NRXN3: variants seen among roughly 807,000 people sequenced by gnomAD.
NRXN3 encodes the protein neurexin 3, also known as neurexin III.
NRXN3 carries 32 observed loss-of-function variants against 137.6 expected under a neutral mutation model. That is an observed-to-expected ratio of 0.23 (90% CI 0.18 to 0.31). The LOEUF (loss-of-function observed/expected upper bound fraction) is 0.31. NRXN3 is among the 10% of genes least tolerant of loss of function. The pLI is 1.00. For synonymous variants in NRXN3, 798 were observed against 784.5 expected, an observed-to-expected ratio of 1.02 and a Z score of -0.29; for missense variants, 1,574 against 2,062.5, an observed-to-expected ratio of 0.76 and a Z score of 4.59.
intron 4 of NRXN3, among the ~76,000 whole-genome samples, chr14:78,559,027 C>A (rs1422890080): frequency 6.6e-6 from 1 of 152,170 alleles, no homozygotes; most frequent in Admixed American, 6.5e-5. Context: ...TGTATTTTCT[C>A]CTTTTGACCT....
chr14:78,656,833 G>A (rs1312117222), intron 6 of NRXN3, among the ~76,000 whole-genome samples: 6 of 151,964 alleles, frequency 3.9e-5, no homozygotes, highest in Non-Finnish European at 5.9e-5. Flanking sequence ...CACGAGGTCG[G>A]GAGATTGATA....
intron 15 of NRXN3, among the ~76,000 whole-genome samples, chr14:79,154,530 T>A (rs937823654): frequency 2.6e-5 from 4 of 151,912 alleles, no homozygotes; most frequent in Non-Finnish European, 5.9e-5. Context: ...AGCCCCATCA[T>A]TCCCTGTTTT....
intron 16 of NRXN3, among the ~76,000 whole-genome samples, chr14:79,537,422 C>T (rs1049156223): frequency 4.6e-5 from 7 of 152,048 alleles, no homozygotes; most frequent in Non-Finnish European, 5.9e-5. Context: ...GGTATATCTC[C>T]TAATGCTATC....
rs551318674 is a variant in NRXN3, at chr14:78,524,194, G to T, written c.758-120926G>T. 2.9e-3 allele frequency among the ~76,000 whole-genome samples: 445 copies of T among 151,472 alleles called. 2 individuals are homozygous for T. Among genetic ancestry groups the T allele is most frequent in the African/African-American group, 0.01 (422 of 41,306 alleles). ...ACTAATCTCAGAAATCTTAGTGTAT[G>T]TTTTTTTTTGTCTTTACTGGATAGT... On this transcript the variant is annotated intron_variant, in intron 4 of 20. Coordinates refer to ENST00000335750, the MANE Select transcript of NRXN3 (RefSeq NM_001330195.2).
intron 8 of NRXN3, among the ~76,000 whole-genome samples, chr14:78,722,937 G>A (rs1265884631): frequency 1.3e-5 from 2 of 151,994 alleles, no homozygotes; most frequent in Non-Finnish European, 2.9e-5. Flanking sequence ...ACCAGGCAGG[G>A]GAAAAAAAAT....
rs533306803 is a variant in NRXN3 at position 78,713,608 on chromosome 14, C to A, written c.1661-1148C>A. Among the ~76,000 whole-genome samples the A allele has an allele frequency of 2.0e-5, 3 of 152,116 alleles. No homozygotes were observed. In the East Asian group the frequency reaches 5.8e-4, roughly 29 times the overall value. Reference sequence around the variant, plus strand: ...CTCATGCTGCTAATAAAGACAAACCCAAGACTGGATAATTTATAAAGGAAA... The same window carrying A: ...CTCATGCTGCTAATAAAGACAAACCAAAGACTGGATAATTTATAAAGGAAA... On this transcript the variant is annotated intron_variant, in intron 7 of 20. Transcript: ENST00000335750.
chr14:79,469,101 C>A (rs2096466331), intron 16 of NRXN3, among the ~76,000 whole-genome samples: 1 of 152,144 alleles, frequency 6.6e-6, no homozygotes, highest in South Asian at 2.1e-4. Flanking sequence ...CTGTTATTAC[C>A]AGCTCACTTG....
At position 79,486,960 on chromosome 14, in the gene NRXN3, T is replaced by TCTCTCTCTCC. The variant is rs1365006345; in HGVS notation, c.3444+19559_3444+19560insTCTCTCTCCC. On this transcript the variant is annotated intron_variant, in intron 16 of 20. Transcript: ENST00000335750. The stretch of plus-strand genomic sequence containing the variant: ...CTCTCTCTCTCTCTCTCTCTCTCTC[T>TCTCTCTCTCC]CCCACACACACACACCCCAAGATAA... Among the ~76,000 whole-genome samples the TCTCTCTCTCC allele has an allele frequency of 4.6e-3, 511 of 112,046 alleles. 17 individuals carry two copies. Among genetic ancestry groups the TCTCTCTCTCC allele is most frequent in the African/African-American group, 0.017 (488 of 28,512 alleles). 73.5% of individuals were successfully genotyped at this position (112,046 alleles called of 152,430 possible). A position where few individuals can be genotyped will look rare whatever the true frequency, so the allele number is the denominator to read the frequency against.
intron 4 of NRXN3, among the ~76,000 whole-genome samples, chr14:78,571,130 A>G (rs2096885650): frequency 1.3e-5 from 2 of 152,202 alleles, no homozygotes; most frequent in Admixed American, 1.3e-4. Flanking sequence ...AGGTTCACTC[A>G]TCAAATCCCT....
At chr14:79,719,669 C>T (rs1333806885) in intron 19 of NRXN3, among the ~76,000 whole-genome samples, 2 of 152,022 alleles carry the variant, frequency 1.3e-5, no homozygotes, top group African/African-American at 4.8e-5. Flanking sequence ...GAAAATCGTG[C>T]ATAAAAGGTC....
At chr14:78,414,424 G>A (rs1424149677) in intron 4 of NRXN3, among the ~76,000 whole-genome samples, 3 of 152,138 alleles carry the variant, frequency 2.0e-5, no homozygotes, top group Non-Finnish European at 2.9e-5. Context: ...AGTCACCAGG[G>A]GAGTTGTCCC....
At chr14:78,537,425 G>T (rs978132296) in intron 4 of NRXN3, among the ~76,000 whole-genome samples, 4 of 152,170 alleles carry the variant, frequency 2.6e-5, no homozygotes, top group African/African-American at 7.2e-5. Flanking sequence ...AGAAGTGTCT[G>T]TTCATATCTT....
At chr14:79,145,527 T>C (rs1483345169) in intron 15 of NRXN3, among the ~76,000 whole-genome samples, 1 of 152,134 alleles carries the variant, frequency 6.6e-6, no homozygotes, top group Admixed American at 6.5e-5. Flanking sequence ...TGAGCCGTTG[T>C]AGAGCCTACA....
intron 15 of NRXN3, 23 bp downstream of exon 15, chr14:78,988,164 C>A (rs764354402): frequency 4.3e-6 from 7 of 1,613,214 alleles, no homozygotes; most frequent in Non-Finnish European, 5.9e-6. Flanking sequence ...ACCTTTCATA[C>A]TGGAACTTTG....
chr14:79,091,326 C>G (rs2049140463), intron 15 of NRXN3, among the ~76,000 whole-genome samples: 1 of 152,122 alleles, frequency 6.6e-6, no homozygotes, highest in Non-Finnish European at 1.5e-5. Context: ...ATTGATCTAA[C>G]AGGTAATAAG....
intron 15 of NRXN3, among the ~76,000 whole-genome samples, chr14:79,159,726 C>G (rs896690023): frequency 6.6e-6 from 1 of 151,732 alleles, no homozygotes; most frequent in Non-Finnish European, 1.5e-5. Flanking sequence ...CATGTCTGTC[C>G]TTGTTTCAAT....
intron 4 of NRXN3, among the ~76,000 whole-genome samples, chr14:78,563,281 A>G (rs1327944489): frequency 6.6e-6 from 1 of 152,232 alleles, no homozygotes; most frequent in Non-Finnish European, 1.5e-5. Context: ...TTCATCGATT[A>G]GGGGACTACA....
intron 4 of NRXN3, among the ~76,000 whole-genome samples, chr14:78,307,296 T>C (rs1266637765): frequency 5.3e-5 from 8 of 152,254 alleles, no homozygotes; most frequent in Non-Finnish European, 8.8e-5. Context: ...TGTGACCCTT[T>C]CTGCCATTAC....
intron 10 of NRXN3, among the ~76,000 whole-genome samples, chr14:78,835,392 A>C (rs1257440794): frequency 6.6e-6 from 1 of 152,034 alleles, no homozygotes; most frequent in Non-Finnish European, 1.5e-5. Context: ...ATCTTCAGAG[A>C]AGGAATTGGA....
Sources: allele counts gnomAD v4.1 joint callset (sites outside exome capture counted in the v4.1 genomes callset), GRCh38; gene constraint gnomAD v4.1.1; transcripts MANE v1.5; gene names NCBI Gene and HGNC (gene_info 2026-07-23, HGNC 2026-07-21).